Variants in ABCC4 observed in about 807,000 individuals in gnomAD.
ABCC4 encodes ATP-binding cassette sub-family C member 4.
Under a neutral mutation model 168.5 loss-of-function variants are expected in ABCC4, and 102 were observed. The ratio of observed to expected loss-of-function variants is 0.61; its 90% CI spans 0.52 to 0.71. The LOEUF is 0.71. Among genes scored for constraint, ABCC4 ranks in the 30% least tolerant of loss-of-function variants. ABCC4 has a pLI of 0.00. For missense variants in ABCC4, 1,402 were observed against 1,605.8 expected (o/e 0.87, Z 2.17); for synonymous variants, 617 against 590.7 (o/e 1.04, Z -0.65).
At position 95,195,288 on chromosome 13, in the gene ABCC4, C is replaced by T. The variant is rs117368516; in HGVS notation, c.1162-351G>A. 1.6e-3 allele frequency among the ~76,000 whole-genome samples: 236 copies of T among 152,196 alleles called. 3 individuals are homozygous for T. In the East Asian group the frequency reaches 0.027, roughly 18 times the overall value. ...ACTTTTGTGTTACTAATGGTGAACA[C>T]GGGAGTTGGTTGGAAATGATCTGAT... On this transcript the variant is annotated intron_variant, in intron 8 of 30. Coordinates refer to ENST00000645237, the MANE Select transcript of ABCC4 (RefSeq NM_005845.5).
intron 15 of ABCC4, among the ~76,000 whole-genome samples, chr13:95,165,737 C>A (rs2037249040): frequency 6.6e-6 from 1 of 152,202 alleles, no homozygotes; most frequent in South Asian, 2.1e-4. Flanking sequence ...AACATTCCAA[C>A]ATACAGGAAA....
chr13:95,172,947 G>T (rs1470456123), intron 13 of ABCC4, among the ~76,000 whole-genome samples: 3 of 152,156 alleles, frequency 2.0e-5, no homozygotes, highest in African/African-American at 7.2e-5. Context: ...GAGGGAGGGA[G>T]AGAGGGACAG....
intron 19 of ABCC4, among the ~76,000 whole-genome samples, chr13:95,153,788 G>C (rs2036767548): frequency 6.6e-6 from 1 of 152,090 alleles, no homozygotes. Flanking sequence ...ACCAGCTGTA[G>C]ACAAGTGCTA....
rs1394530639 is a variant in ABCC4 at position 95,291,009 on chromosome 13, A to AAAAAAAAAAAAAAAAAAAAG, written c.74+10231_74+10232insCTTTTTTTTTTTTTTTTTTT. Reference sequence around the variant, plus strand: ...CAAGACCCTGTCTCAAAAAAAAAAAAAGAGGAAACCATGCCAAATGACTTT... The same window carrying AAAAAAAAAAAAAAAAAAAAG: ...CAAGACCCTGTCTCAAAAAAAAAAAAAAAAAAAAAAAAAAAAAAAGAGAGGAAACCATGCCAAATGACTTT... On this transcript the variant is annotated intron_variant, in intron 1 of 30. Coordinates refer to ENST00000645237, the MANE Select transcript of ABCC4 (RefSeq NM_005845.5). Among the ~76,000 whole-genome samples the AAAAAAAAAAAAAAAAAAAAG allele has an allele frequency of 1.6e-5, 2 of 123,354 alleles. 1 individual carries two copies. The highest frequency in any genetic ancestry group is 3.5e-5 in the Non-Finnish European group (2 of 57,852). 80.9% of individuals were successfully genotyped at this position (123,354 alleles called of 152,430 possible).
intron 27 of ABCC4, among the ~76,000 whole-genome samples, chr13:95,051,538 C>CT (rs79194782): frequency 3.6e-4 from 52 of 144,162 alleles, no homozygotes; most frequent in East Asian, 8.1e-4. Context: ...CTGGCTAATT[C>CT]TTTTTTTTTT....
chr13:95,198,479 G>A (rs1371581082), intron 8 of ABCC4, among the ~76,000 whole-genome samples: 1 of 152,176 alleles, frequency 6.6e-6, no homozygotes, highest in Admixed American at 6.5e-5. Flanking sequence ...AGAGGATGTG[G>A]AGAAATAGGA....
chr13:95,245,810 A>G (rs2040088722), intron 3 of ABCC4, among the ~76,000 whole-genome samples: 1 of 151,562 alleles, frequency 6.6e-6, no homozygotes, highest in African/African-American at 2.4e-5. Flanking sequence ...CCCACTGCCC[A>G]CCGTGCCCTC....
intron 1 of ABCC4, among the ~76,000 whole-genome samples, chr13:95,298,244 G>T (rs2041586175): frequency 6.6e-6 from 1 of 152,112 alleles, no homozygotes; most frequent in Admixed American, 6.6e-5. Context: ...AGCAGAGATT[G>T]CACCACTGCA....
intron 8 of ABCC4, among the ~76,000 whole-genome samples, chr13:95,204,435 TG>T (rs148491054): frequency 0.076 from 11,604 of 152,128 alleles, 1,368 homozygotes; most frequent in African/African-American, 0.25. Flanking sequence ...AATCGGATCA[TG>T]GGGGCAGTTT....
rs1191286009 is a variant in ABCC4 at position 95,075,427 on chromosome 13, C to A, written c.2806+5G>T. On this transcript the variant is annotated splice_donor_5th_base_variant and intron_variant, in intron 22 of 30. Coordinates refer to ENST00000645237, the MANE Select transcript of ABCC4 (RefSeq NM_005845.5). ...CTTTGAAACCATTTCCAGAAATAGA[C>A]AGACCTGAATGTAAATCCTGGTGTG... 2 of 1,614,058 alleles carry A rather than the reference C, an allele frequency of 1.2e-6. No individual in the cohort carries two copies. Among genetic ancestry groups the A allele is most frequent in the Non-Finnish European group, 1.7e-6 (2 of 1,179,966 alleles).
intron 19 of ABCC4, among the ~76,000 whole-genome samples, chr13:95,159,134 A>ATATAT (rs2036998473): frequency 1.5e-4 from 7 of 46,396 alleles, no homozygotes; most frequent in Admixed American, 9.9e-4. Flanking sequence ...TATATATATA[A>ATATAT]CTATTGAAGT....
At chr13:95,103,327 T>C (rs76658873) in intron 20 of ABCC4, among the ~76,000 whole-genome samples, 14,946 of 152,216 alleles carry the variant, frequency 0.098, 1,019 homozygotes, top group Non-Finnish European at 0.15. Context: ...CCAAGAGCAC[T>C]TGCAAAGGGA....
intron 4 of ABCC4, among the ~76,000 whole-genome samples, chr13:95,211,907 C>T (rs1005479023): frequency 1.6e-4 from 24 of 151,988 alleles, no homozygotes; most frequent in African/African-American, 5.1e-4. Context: ...TGGCCGGGCG[C>T]GGTGGCTCAC....
chr13:95,239,764 A>T (rs554413665), intron 3 of ABCC4, among the ~76,000 whole-genome samples: 47 of 151,044 alleles, frequency 3.1e-4, no homozygotes, highest in African/African-American at 1.1e-3. Flanking sequence ...AATCGGTTTT[A>T]AAAAAAAATA....
chr13:95,041,758 G>C (rs141443788), intron 29 of ABCC4, among the ~76,000 whole-genome samples: 2 of 152,236 alleles, frequency 1.3e-5, no homozygotes, highest in East Asian at 1.9e-4. Flanking sequence ...GTGTTCCCCC[G>C]AATTGAAAGC....
At chr13:95,228,572 C>T (rs2039532161) in intron 4 of ABCC4, among the ~76,000 whole-genome samples, 3 of 152,108 alleles carry the variant, frequency 2.0e-5, no homozygotes, top group South Asian at 2.1e-4. Context: ...GTTTGGAGTT[C>T]GCGACCAGCC....
At chr13:95,273,533 T>G (rs962647623) in intron 1 of ABCC4, among the ~76,000 whole-genome samples, 1 of 152,182 alleles carries the variant, frequency 6.6e-6, no homozygotes, top group African/African-American at 2.4e-5. Context: ...CAAGGCCAGG[T>G]GCATTGCCTT....
rs763274710 is a variant in ABCC4 at position 95,186,808 on chromosome 13, G to A, written c.1438C>T (p.Gln480Ter). The A allele has an allele frequency of 6.2e-7, 1 of 1,614,108 alleles. No individual in the cohort carries two copies. Among genetic ancestry groups the A allele is most frequent in the East Asian group, 2.2e-5 (1 of 44,874 alleles). Reference sequence around the variant, plus strand: ...GTTCCCGAGAACACCCAGGGCTGCTGAGACACATAGGCAATTCTTCCATGC... The same window carrying A: ...GTTCCCGAGAACACCCAGGGCTGCTAAGACACATAGGCAATTCTTCCATGC... ...SVHGRIAYVS[Q>*]QPWVFSGTLR... is the part of the protein sequence containing the mutation. Residue 480 changes from glutamine to a stop codon, truncating the protein, a stop_gained, in exon 11 of 31, where the codon CAG becomes TAG. Coordinates refer to ENST00000645237, the MANE Select transcript of ABCC4 (RefSeq NM_005845.5). LOFTEE classifies it high-confidence loss of function.
In ABCC4 at chr13:95,126,449, T is replaced by C. The variant is rs544153755; in HGVS notation, c.2456-10448A>G. 2.0e-5 allele frequency among the ~76,000 whole-genome samples: 3 copies of C among 152,160 alleles called. No individual in the cohort carries two copies. The South Asian group carries it at 6.2e-4, about 32-fold the overall frequency. ...CAGTGTGCAAAATCGGCTCTATCTC[T>C]AATCCACATACAAGTATATGTAATA... On this transcript the variant is annotated intron_variant, in intron 19 of 30. Transcript: ENST00000645237.
Sources: gnomAD v4.1 joint callset for allele counts (sites outside exome capture counted in the v4.1 genomes callset) on GRCh38, gnomAD v4.1.1 for gene constraint, MANE v1.5 for transcripts, NCBI Gene and HGNC (gene_info 2026-07-23, HGNC 2026-07-21) for gene names.